Variants in GZMM observed in about 807,000 individuals in gnomAD.
GZMM encodes HU-Met-1.
Under a neutral mutation model 19.2 loss-of-function variants are expected in GZMM, and 23 were observed. The observed-to-expected ratio is 1.20, with a 90% CI of 0.86 to 1.69. The LOEUF (loss-of-function observed/expected upper bound fraction) is 1.69. Among genes scored for constraint, GZMM ranks in the 40% most tolerant of loss-of-function variants. GZMM has a pLI of 0.00. For missense variants in GZMM, 373 were observed against 352.2 expected, an observed-to-expected ratio of 1.06 and a Z score of -0.47; for synonymous variants, 178 against 160.2, an observed-to-expected ratio of 1.11 and a Z score of -0.84.
In GZMM at chr19:549,739, C is replaced by G. The variant is rs1340635938; in HGVS notation, c.722C>G (p.Ala241Gly). ...TDIFKPPVAT[A>G]VAPYVSWIRK... ...ATCTTCAAGCCTCCCGTGGCCACCG[C>G]TGTGGCGCCTTACGTGTCCTGGATC... The change falls in exon 5 of 5, where the codon GCT becomes GGT. Residue 241 changes from alanine (A) to glycine (G), a missense_variant. Transcript: ENST00000264553. 1.9e-6 allele frequency: 3 copies of G among 1,613,708 alleles called. No homozygotes were observed. Among genetic ancestry groups the G allele is most frequent in the East Asian group, 2.2e-5 (1 of 44,876 alleles).
At position 546,805 on chromosome 19, in the gene GZMM, T is replaced by C. The variant is rs1226260660; in HGVS notation, c.56-475T>C. On this transcript the variant is annotated intron_variant, in intron 1 of 4. Coordinates refer to ENST00000264553, the MANE Select transcript of GZMM (RefSeq NM_005317.4). ...GTGAGCCGAGATCGTGCCATTGCACTCCAGCCTGGGTGACAGAGCGAGACT... is the reference window on the plus strand; with the variant it reads ...GTGAGCCGAGATCGTGCCATTGCACCCCAGCCTGGGTGACAGAGCGAGACT... Among the ~76,000 whole-genome samples the C allele has an allele frequency of 7.3e-5, 11 of 151,720 alleles. No homozygotes were observed. The East Asian group carries it at 2.1e-3, about 30-fold the overall frequency.
At chr19:546,962 G>A (rs1262501954) in intron 1 of GZMM, among the ~76,000 whole-genome samples, 1 of 151,392 alleles carries the variant, frequency 6.6e-6, no homozygotes, top group Non-Finnish European at 1.5e-5. Context: ...GGGATCACAG[G>A]GGTGAGCCAC....
chr19:545,075 C>T (rs1315263303), intron 1 of GZMM, among the ~76,000 whole-genome samples: 1 of 152,160 alleles, frequency 6.6e-6, no homozygotes, highest in Non-Finnish European at 1.5e-5. Flanking sequence ...CCCTCCCATC[C>T]ATCCATCATC....
intron 1 of GZMM, among the ~76,000 whole-genome samples, chr19:545,514 A>AC (rs2145858081): frequency 6.6e-6 from 1 of 150,930 alleles, no homozygotes; most frequent in South Asian, 2.1e-4. Flanking sequence ...TGCCGGGCTA[A>AC]TTTTGTATTT....
In GZMM at chr19:547,422, C is replaced by A; in HGVS notation, c.198C>A (p.His66Gln). Residue 66 changes from histidine to glutamine, a missense_variant, in exon 2 of 5, where the codon CAC becomes CAA. Physicochemically the swap from His to Gln is conservative, Grantham distance 24. Transcript: ENST00000264553. The part of the protein sequence containing the change: ...VHPKWVLTAA[H>Q]CLAQRMAQLR... ...CAAAGTGGGTGCTGACGGCTGCCCA[C>A]TGCCTGGCCCAGCGGTGAGTACCCT... 1 of 1,477,538 alleles carries A rather than the reference C, an allele frequency of 6.8e-7. No individual in the cohort carries two copies. Among genetic ancestry groups the A allele is most frequent in the Non-Finnish European group, 9.0e-7 (1 of 1,112,754 alleles). 91.5% of individuals were successfully genotyped at this position (1,477,538 alleles called of 1,614,324 possible).
In GZMM at chr19:549,095, C is replaced by T. The variant is rs1019528438; in HGVS notation, c.522C>T (p.Arg174=). 5.0e-6 allele frequency: 8 copies of T among 1,586,052 alleles called. No homozygotes were observed. Among genetic ancestry groups the T allele is most frequent in the African/African-American group, 4.0e-5 (3 of 74,684 alleles). The change falls in exon 4 of 5, where the codon CGC becomes CGT. Residue 174 remains arginine, a synonymous_variant. Transcript: ENST00000264553. ...TGGACCTCCAAGTGCTGGACACCCG[C>T]ATGTGTAACAACAGCCGCTTCTGGA... is the stretch of plus-strand genomic sequence containing the variant. The part of the protein sequence containing the change: ...RELDLQVLDT[R]MCNNSRFWNG...
At chr19:549,255 GC>G in intron 4 of GZMM, 70 bp downstream of exon 4, 1 of 1,443,082 alleles carries the variant, frequency 6.9e-7, no homozygotes, top group Non-Finnish European at 9.3e-7. Context: ...CAGCCGCCGG[GC>G]AGGTTCCTGG....
At chr19:548,727 G>A in intron 3 of GZMM, 50 bp downstream of exon 3, 1 of 1,576,566 alleles carries the variant, frequency 6.3e-7, no homozygotes, top group South Asian at 1.1e-5. Context: ...GTCCCCCACG[G>A]GTGCCCCTCA....
intron 3 of GZMM, 63 bp from the exon 4 acceptor site, chr19:548,859 G>A (rs1160845473): frequency 8.0e-5 from 35 of 439,888 alleles, no homozygotes; most frequent in African/African-American, 2.9e-4. Context: ...CCCCGCTGCC[G>A]CCCCCCGCCC....
At chr19:548,727 G>T (rs771516202) in intron 3 of GZMM, 50 bp downstream of exon 3, 6 of 1,576,566 alleles carry the variant, frequency 3.8e-6, no homozygotes, top group Non-Finnish European at 5.2e-6. Flanking sequence ...GTCCCCCACG[G>T]GTGCCCCTCA....
In GZMM at chr19:544,070, G is replaced by A. The variant is rs749803060; in HGVS notation, c.-2G>A. The A allele has an allele frequency of 6.5e-7, 1 of 1,548,168 alleles. No individual in the cohort carries two copies. The highest frequency in any genetic ancestry group is 1.2e-5 in the South Asian group (1 of 83,974). On this transcript the variant is annotated 5_prime_UTR_variant, in exon 1 of 5. Coordinates refer to ENST00000264553, the MANE Select transcript of GZMM (RefSeq NM_005317.4). The stretch of plus-strand genomic sequence containing the variant: ...GCACCCACACTGGGTCTCCACAGCG[G>A]CATGGAGGCCTGCGTGTCTTCACTG...
chr19:549,693 A>G lies in GZMM; in HGVS notation c.676A>G (p.Ser226Gly), dbSNP rs754826849. Residue 226 changes from serine to glycine, a missense_variant, in exon 5 of 5, where the codon AGC becomes GGC. By Grantham distance (56) the Ser-to-Gly change is moderately conservative (BLOSUM62 0). Transcript: ENST00000264553. ...GRVLARVLSF[S>G]SRVCTDIFKP... The stretch of plus-strand genomic sequence containing the variant: ...GGTGTTGGCCAGAGTCCTGTCCTTC[A>G]GCTCCAGGGTCTGCACTGACATCTT... The G allele has an allele frequency of 8.7e-6, 14 of 1,613,664 alleles. No individual in the cohort carries two copies. The South Asian group carries it at 1.5e-4, about 18-fold the overall frequency.
At position 548,946 on chromosome 19, in the gene GZMM, C is replaced by G; in HGVS notation, c.373C>G (p.Arg125Gly). ...GCTGGACGGGAAAGTGAAGCCCAGCCGGACCATCCGGCCGTTGGCCCTGCC... is the reference window on the plus strand; with the variant it reads ...GCTGGACGGGAAAGTGAAGCCCAGCGGGACCATCCGGCCGTTGGCCCTGCC... ...LQLDGKVKPSRTIRPLALPSK... is the reference protein window; with the variant it reads ...LQLDGKVKPSGTIRPLALPSK... Residue 125 changes from arginine to glycine, a missense_variant, in exon 4 of 5, where the codon CGG (arginine) becomes GGG (glycine). By Grantham distance (125) the Arg-to-Gly change is moderately radical. Coordinates refer to ENST00000264553, the MANE Select transcript of GZMM (RefSeq NM_005317.4). 5.7e-6 allele frequency: 9 copies of G among 1,588,614 alleles called. No homozygotes were observed. Among genetic ancestry groups the G allele is most frequent in the Non-Finnish European group, 6.9e-6 (8 of 1,165,638 alleles).
At chr19:545,031 G>A (rs1435634419) in intron 1 of GZMM, among the ~76,000 whole-genome samples, 3 of 145,452 alleles carry the variant, frequency 2.1e-5, no homozygotes, top group Non-Finnish European at 4.5e-5. Context: ...CATCCATCAT[G>A]CCTCTCTCTT....
At chr19:548,062 C>T (rs1980355831) in intron 2 of GZMM, among the ~76,000 whole-genome samples, 1 of 152,174 alleles carries the variant, frequency 6.6e-6, no homozygotes, top group Non-Finnish European at 1.5e-5. Flanking sequence ...GCTGTGGAGC[C>T]CATCTGTCTC....
chr19:546,779 A>G (rs1053051736), intron 1 of GZMM, among the ~76,000 whole-genome samples: 9 of 152,014 alleles, frequency 5.9e-5, no homozygotes, highest in African/African-American at 2.4e-5. Context: ...CGGAGCTTGC[A>G]GTGAGCCGAG....
In GZMM at chr19:548,940, C is replaced by T. The variant is rs754622676; in HGVS notation, c.367C>T (p.Pro123Ser). The T allele has an allele frequency of 5.3e-5, 83 of 1,579,262 alleles. 1 individual carries two copies. In the South Asian group the frequency reaches 9.1e-4, roughly 17 times the overall value. Residue 123 changes from proline (P) to serine (S), a missense_variant, in exon 4 of 5, where the codon CCC becomes TCC. Coordinates refer to ENST00000264553, the MANE Select transcript of GZMM (RefSeq NM_005317.4). ...CTCGTAGCTGGACGGGAAAGTGAAG[C>T]CCAGCCGGACCATCCGGCCGTTGGC... ...ALLQLDGKVK[P>S]SRTIRPLALP... is the part of the protein sequence containing the mutation.
intron 1 of GZMM, among the ~76,000 whole-genome samples, chr19:545,525 TTAG>T (rs973537590): frequency 6.6e-6 from 1 of 151,984 alleles, no homozygotes; most frequent in African/African-American, 2.4e-5. Context: ...TTTTGTATTT[TTAG>T]TAGAGACAGG....
chr19:548,748 G>A (rs1980387083), intron 3 of GZMM, 71 bp downstream of exon 3: 119 of 1,280,440 alleles, frequency 9.3e-5, no homozygotes, highest in Non-Finnish European at 1.1e-4. Flanking sequence ...CCCCCACTGC[G>A]CCCTCCCCCC....
Sources: allele counts gnomAD v4.1 joint callset (sites outside exome capture counted in the v4.1 genomes callset), GRCh38; gene constraint gnomAD v4.1.1; transcripts MANE v1.5; gene names NCBI Gene and HGNC (gene_info 2026-07-23, HGNC 2026-07-21).